The following PRKN variants were observed in gnomAD, a reference collection of about 807,000 sequenced individuals.
The protein encoded by PRKN is parkin RBR E3 ubiquitin protein ligase.
PRKN carries 56 observed loss-of-function variants against 59.5 expected under a neutral mutation model. The ratio of observed to expected loss-of-function variants is 0.94; its 90% CI spans 0.76 to 1.18. The LOEUF is 1.18. Ranked by LOEUF, PRKN falls within the 50% of genes most tolerant of loss-of-function variation. PRKN has a pLI of 0.00. For synonymous variants in PRKN, 250 were observed against 222.1 expected (o/e 1.13, Z -1.12); for missense variants, 657 against 596.4 (o/e 1.10, Z -1.06).
chr6:162,686,231 T>C (rs1170399230), intron 1 of PRKN, among the ~76,000 whole-genome samples: 2 of 152,238 alleles, frequency 1.3e-5, no homozygotes, highest in East Asian at 1.9e-4. Flanking sequence ...TAGCCACAGC[T>C]GAAAACTTAA....
At chr6:162,107,210 A>T (rs191992288) in intron 4 of PRKN, among the ~76,000 whole-genome samples, 131 of 152,332 alleles carry the variant, frequency 8.6e-4, no homozygotes, top group Non-Finnish European at 1.4e-3. Flanking sequence ...CAGGCCTATA[A>T]TCCCAGCACT....
intron 4 of PRKN, among the ~76,000 whole-genome samples, chr6:162,185,375 T>C (rs1783983280): frequency 6.6e-6 from 1 of 152,150 alleles, no homozygotes; most frequent in African/African-American, 2.4e-5. Flanking sequence ...TTCAAAATCA[T>C]AGGTTTCCAA....
intron 1 of PRKN, among the ~76,000 whole-genome samples, chr6:162,488,384 G>A (rs1792653814): frequency 1.3e-5 from 2 of 152,160 alleles, no homozygotes; most frequent in South Asian, 4.1e-4. Context: ...TGCCACCAGT[G>A]TGGATGCATG....
Position 162,170,197 on chromosome 6 carries a change from CCTAA to C in PRKN, c.534+30930_534+30933del, listed in dbSNP as rs553344388. On this transcript the variant is annotated intron_variant, in intron 4 of 11. Coordinates refer to ENST00000366898, the MANE Select transcript of PRKN (RefSeq NM_004562.3). ...CCTTCTGAGGGATGAGGGTCTGTTG[CCTAA>C]CTCTTTCATTAGTTATTTATTTATA... Among the ~76,000 whole-genome samples, 767 of 152,208 alleles carry C rather than the reference CCTAA, an allele frequency of 5.0e-3. 6 individuals carry two copies. The highest frequency in any genetic ancestry group is 8.5e-3 in the Non-Finnish European group (578 of 68,016).
In PRKN at chr6:162,567,050, A is replaced by G. The variant is rs529124227; in HGVS notation, c.8-123577T>C. On this transcript the variant is annotated intron_variant, in intron 1 of 11. Coordinates refer to ENST00000366898, the MANE Select transcript of PRKN (RefSeq NM_004562.3). The stretch of plus-strand genomic sequence containing the variant: ...AATTGATGCTGAAAAAGCATTTAAT[A>G]AAATTCAACATCCTTCATGATAAAA... Among the ~76,000 whole-genome samples, 57 of 152,344 alleles carry G rather than the reference A, an allele frequency of 3.7e-4. 3 individuals are homozygous for G. In the South Asian group the frequency reaches 0.012, roughly 31 times the overall value.
chr6:161,404,594 A>G (rs1787181926), intron 9 of PRKN, among the ~76,000 whole-genome samples: 1 of 152,256 alleles, frequency 6.6e-6, no homozygotes, highest in Non-Finnish European at 1.5e-5. Context: ...CAAAATTAAG[A>G]GAACAAAAAT....
chr6:161,972,444 G>A (rs1341016900), intron 6 of PRKN, among the ~76,000 whole-genome samples: 1 of 152,162 alleles, frequency 6.6e-6, no homozygotes, highest in Non-Finnish European at 1.5e-5. Context: ...CTACTCTGCA[G>A]AGCAAACAGA....
chr6:162,199,400 T>C (rs1784628730), intron 4 of PRKN, among the ~76,000 whole-genome samples: 1 of 152,232 alleles, frequency 6.6e-6, no homozygotes, highest in South Asian at 2.1e-4. Context: ...AGTGTTCTTA[T>C]GAAATAATTA....
intron 6 of PRKN, among the ~76,000 whole-genome samples, chr6:161,913,172 A>G (rs1028581310): frequency 5.0e-4 from 66 of 131,304 alleles, no homozygotes; most frequent in Non-Finnish European, 3.1e-4. Flanking sequence ...CATCTCAGGA[A>G]AAAAAAAAAA....
intron 6 of PRKN, among the ~76,000 whole-genome samples, chr6:161,833,188 G>T (rs1792582818): frequency 6.6e-6 from 1 of 152,074 alleles, no homozygotes; most frequent in African/African-American, 2.4e-5. Flanking sequence ...TGAGCTGGTA[G>T]CACAGAAAAT....
chr6:162,659,509 G>T, intron 1 of PRKN, among the ~76,000 whole-genome samples: 1 of 152,120 alleles, frequency 6.6e-6, no homozygotes, highest in East Asian at 1.9e-4. Context: ...AAGAATTGAT[G>T]AATTCATCAC....
chr6:162,155,885 C>T lies in PRKN; in HGVS notation c.534+45246G>A, dbSNP rs188566460. The stretch of plus-strand genomic sequence containing the variant: ...AAAACGTGATAAGTGATTATAAAAC[C>T]ATTTTCAATAAGATGCATAGAATAA... On this transcript the variant is annotated intron_variant, in intron 4 of 11. Transcript: ENST00000366898. 4.5e-3 allele frequency among the ~76,000 whole-genome samples: 683 copies of T among 151,428 alleles called. 10 individuals are homozygous for T. Among genetic ancestry groups the T allele is most frequent in the Non-Finnish European group, 2.8e-3 (187 of 67,920 alleles).
At chr6:161,628,510 C>G (rs1408426867) in intron 7 of PRKN, among the ~76,000 whole-genome samples, 2 of 152,186 alleles carry the variant, frequency 1.3e-5, no homozygotes, top group African/African-American at 4.8e-5. Flanking sequence ...AATACCATCA[C>G]CTTGAGGGTT....
intron 9 of PRKN, among the ~76,000 whole-genome samples, chr6:161,434,565 C>T (rs555714369): frequency 1.3e-5 from 2 of 152,310 alleles, no homozygotes; most frequent in South Asian, 2.1e-4. Flanking sequence ...GACTATAATG[C>T]AGACCGTTTG....
intron 1 of PRKN, among the ~76,000 whole-genome samples, chr6:162,486,425 A>G (rs561477536): frequency 6.6e-6 from 1 of 152,342 alleles, no homozygotes; most frequent in East Asian, 1.9e-4. Context: ...CACCACGTGC[A>G]TATCAGAATT....
At chr6:161,802,453 C>T (rs571057438) in intron 6 of PRKN, among the ~76,000 whole-genome samples, 2 of 151,056 alleles carry the variant, frequency 1.3e-5, no homozygotes, top group African/African-American at 4.9e-5. Flanking sequence ...ACACACACAC[C>T]CCACATATGA....
At chr6:162,612,364 C>T (rs1313062457) in intron 1 of PRKN, among the ~76,000 whole-genome samples, 2 of 151,866 alleles carry the variant, frequency 1.3e-5, no homozygotes, top group Non-Finnish European at 2.9e-5. Context: ...TGAGGTTCCT[C>T]ATCTTGGAAG....
intron 6 of PRKN, among the ~76,000 whole-genome samples, chr6:161,860,668 CA>C (rs1793860406): frequency 6.6e-6 from 1 of 152,040 alleles, no homozygotes; most frequent in Non-Finnish European, 1.5e-5. Flanking sequence ...GGGTAGATTG[CA>C]AAAATTATCT....
At position 161,376,071 on chromosome 6, in the gene PRKN, G is replaced by A. The variant is rs1160823135; in HGVS notation, c.1167+10723C>T. Among the ~76,000 whole-genome samples the A allele has an allele frequency of 6.6e-6, 1 of 152,172 alleles. No homozygotes were observed. Among genetic ancestry groups the A allele is most frequent in the Non-Finnish European group, 1.5e-5 (1 of 68,032 alleles). ...TGAAGGCAGTCAATGGCTGAGAGAC[G>A]GCTCTGCGGTGAGATGCTGGGGCAA... On this transcript the variant is annotated intron_variant, in intron 10 of 11. Transcript: ENST00000366898. This position sits in a 1 kb window ranked among gnomAD's most constrained non-coding sequence, Gnocchi z 7.3.
Sources: gnomAD v4.1 joint callset for allele counts (sites outside exome capture counted in the v4.1 genomes callset) on GRCh38, gnomAD v4.1.1 for gene constraint, Gnocchi (gnomAD v3.1) non-coding constraint, MANE v1.5 for transcripts, NCBI Gene and HGNC (gene_info 2026-07-23, HGNC 2026-07-21) for gene names.